The following PAFAH2 variants were observed in gnomAD, a reference collection of about 807,000 sequenced individuals.
PAFAH2 encodes the protein platelet activating factor acetylhydrolase 2.
Under a neutral mutation model 49.0 loss-of-function variants are expected in PAFAH2, and 42 were observed. The observed-to-expected ratio is 0.86, with a 90% confidence interval of 0.67 to 1.11. The LOEUF (loss-of-function observed/expected upper bound fraction) is 1.11, where lower values mean the gene tolerates loss of function less well. Among genes scored for constraint, PAFAH2 ranks in the 50% least tolerant of loss-of-function variants. PAFAH2 has a pLI of 0.00. For missense variants in PAFAH2, 503 were observed against 501.8 expected, an observed-to-expected ratio of 1.00 and a Z score of -0.02; for synonymous variants, 184 against 181.3, an observed-to-expected ratio of 1.01 and a Z score of -0.12.
chr1:25,992,878 A>G (rs1388463274), intron 1 of PAFAH2, among the ~76,000 whole-genome samples: 1 of 152,206 alleles, frequency 6.6e-6, no homozygotes, highest in East Asian at 1.9e-4. Context: ...AGGTTGGTCC[A>G]ATAGGCGTAA....
rs1215648084 is a variant in PAFAH2 at position 25,976,780 on chromosome 1, A to C, written c.667-7T>G. 2 of 1,611,800 alleles carry C rather than the reference A, an allele frequency of 1.2e-6. No homozygotes were observed. Among genetic ancestry groups the C allele is most frequent in the Non-Finnish European group, 1.7e-6 (2 of 1,178,066 alleles). ...GGCTCATGTCAATGTTGCCCTGAGGAAAGTGGAGAACTTAGCCAAGTCAGA... is the reference window on the plus strand; with the variant it reads ...GGCTCATGTCAATGTTGCCCTGAGGCAAGTGGAGAACTTAGCCAAGTCAGA... On this transcript the variant is annotated splice_polypyrimidine_tract_variant and splice_region_variant and intron_variant, in intron 7 of 10. Coordinates refer to ENST00000374282, the MANE Select transcript of PAFAH2 (RefSeq NM_000437.4).
chr1:25,967,641 T>C (rs916356845), intron 10 of PAFAH2, among the ~76,000 whole-genome samples: 12 of 152,060 alleles, frequency 7.9e-5, no homozygotes, highest in Admixed American at 2.0e-4. Context: ...ACCCTGACAA[T>C]AGCGGTTTTG....
intron 7 of PAFAH2, among the ~76,000 whole-genome samples, chr1:25,980,611 T>TTTTATATA (rs369555868): frequency 0.028 from 2,043 of 74,168 alleles, 52 homozygotes; most frequent in African/African-American, 0.059. Flanking sequence ...TGGGCCATAT[T>TTTTATATA]TATATATATA....
In PAFAH2 at chr1:25,975,425, T is replaced by A. The variant is rs1036004655; in HGVS notation, c.759-775A>T. On this transcript the variant is annotated intron_variant, in intron 8 of 10. Coordinates refer to ENST00000374282, the MANE Select transcript of PAFAH2 (RefSeq NM_000437.4). Reference sequence around the variant, plus strand: ...AGACACCATCTCTTAAAAAAAAAAATTAAAAAATTAGCAGGGCATGGTAGC... The same window carrying A: ...AGACACCATCTCTTAAAAAAAAAAAATAAAAAATTAGCAGGGCATGGTAGC... Among the ~76,000 whole-genome samples, 4 of 151,332 alleles carry A rather than the reference T, an allele frequency of 2.6e-5. 1 individual carries two copies. Among genetic ancestry groups the A allele is most frequent in the Admixed American group, 1.3e-4 (2 of 15,154 alleles).
intron 10 of PAFAH2, among the ~76,000 whole-genome samples, chr1:25,968,668 T>A (rs1243310861): frequency 6.6e-6 from 1 of 152,158 alleles, no homozygotes; most frequent in Non-Finnish European, 1.5e-5. Flanking sequence ...GACAATGTAC[T>A]GTGTGCCTAC....
At chr1:25,989,358 C>T in intron 3 of PAFAH2, 90 bp downstream of exon 3, 1 of 1,252,016 alleles carries the variant, frequency 8.0e-7, no homozygotes, top group Non-Finnish European at 1.1e-6. Flanking sequence ...CTGGACACTG[C>T]AGGCTATAAG....
rs1362425323 is a variant in PAFAH2 at position 25,959,833 on chromosome 1, C to CA, written c.*2155dup. ...CAACATTGATCTCATACTAGGCCAA[C>CA]AACCAAGTTTCAACAAATTTTGAAG... is the stretch of plus-strand genomic sequence containing the variant. On this transcript the variant is annotated 3_prime_UTR_variant, in exon 11 of 11. Transcript: ENST00000374282. 2 of 152,182 alleles carry CA rather than the reference C, an allele frequency of 1.3e-5. No homozygotes were observed. The highest frequency in any genetic ancestry group is 2.9e-5 in the Non-Finnish European group (2 of 68,036). The allele number at this position is 152,182 out of a possible 1,614,324, so 9.4% of individuals were successfully genotyped here. A position where few individuals can be genotyped will look rare whatever the true frequency, so the allele number is the denominator to read the frequency against.
At chr1:25,965,588 G>T (rs769261696) in intron 10 of PAFAH2, among the ~76,000 whole-genome samples, 83 of 152,238 alleles carry the variant, frequency 5.5e-4, no homozygotes, top group Admixed American at 1.6e-3. Flanking sequence ...GGCCAAGGCT[G>T]GTGGATCACT....
chr1:25,969,896 G>A (rs2049481946), intron 10 of PAFAH2, among the ~76,000 whole-genome samples: 1 of 152,164 alleles, frequency 6.6e-6, no homozygotes, highest in Non-Finnish European at 1.5e-5. Flanking sequence ...TTAAAGTCTT[G>A]AGACATGGGT....
intron 10 of PAFAH2, among the ~76,000 whole-genome samples, chr1:25,970,982 T>C (rs891660218): frequency 2.0e-5 from 3 of 152,048 alleles, no homozygotes; most frequent in African/African-American, 7.2e-5. Flanking sequence ...CCGGGACAGG[T>C]GGAGGTACCA....
At chr1:25,967,794 G>A (rs990903163) in intron 10 of PAFAH2, among the ~76,000 whole-genome samples, 1 of 152,174 alleles carries the variant, frequency 6.6e-6, no homozygotes, top group African/African-American at 2.4e-5. Flanking sequence ...GGGATATTGA[G>A]GTCAAGAGAA....
At chr1:25,974,212 A>G (rs1314198733) in intron 9 of PAFAH2, among the ~76,000 whole-genome samples, 1 of 152,122 alleles carries the variant, frequency 6.6e-6, no homozygotes, top group Admixed American at 6.5e-5. Context: ...CCTTTCCAAC[A>G]CCCAACCCCA....
At chr1:25,974,335 T>TA in intron 9 of PAFAH2, 145 bp downstream of exon 9, 3 of 551,336 alleles carry the variant, frequency 5.4e-6, no homozygotes, top group Admixed American at 3.8e-5. Context: ...CAGAAAATTC[T>TA]AAAAGAATTT....
chr1:25,978,499 C>T lies in PAFAH2; in HGVS notation c.667-1726G>A, dbSNP rs543428238. On this transcript the variant is annotated intron_variant, in intron 7 of 10. Coordinates refer to ENST00000374282, the MANE Select transcript of PAFAH2 (RefSeq NM_000437.4). ...CTTGGCCATGGTACAGACAGCTAGC[C>T]GATCACCAAATCTTTTCCTCTTCTT... 5.8e-4 allele frequency among the ~76,000 whole-genome samples: 89 copies of T among 152,284 alleles called. 1 individual carries two copies. The highest frequency in any genetic ancestry group is 4.1e-3 in the South Asian group (20 of 4,834).
At position 25,990,714 on chromosome 1, in the gene PAFAH2, T is replaced by C. The variant is rs1367698782; in HGVS notation, c.90+13A>G. 1.2e-6 allele frequency: 2 copies of C among 1,607,634 alleles called. No homozygotes were observed. The highest frequency in any genetic ancestry group is 1.7e-6 in the Non-Finnish European group (2 of 1,174,330). On this transcript the variant is annotated intron_variant, in intron 2 of 10. Transcript: ENST00000374282. ...GCAGTGCAAACAGAAGAAAGGGAGC[T>C]GGGGACACTTACCTGGAGATTCTGA...
chr1:25,969,749 A>G (rs2049478625), intron 10 of PAFAH2, among the ~76,000 whole-genome samples: 3 of 152,150 alleles, frequency 2.0e-5, no homozygotes, highest in Non-Finnish European at 4.4e-5. Context: ...ATCTTAGCTC[A>G]ACGGGTATTG....
chr1:25,990,870 G>T lies in PAFAH2; in HGVS notation c.-47-7C>A. ...CCGGAGCTGAACTTGCTGGCTGGAT[G>T]GGGGAACACAGAACAGCAGCCGCTT... On this transcript the variant is annotated splice_polypyrimidine_tract_variant and splice_region_variant and intron_variant, in intron 1 of 10. Transcript: ENST00000374282. The T allele has an allele frequency of 7.0e-7, 1 of 1,437,682 alleles. No individual in the cohort carries two copies. The highest frequency in any genetic ancestry group is 9.8e-7 in the Non-Finnish European group (1 of 1,021,780). 89.1% of individuals were successfully genotyped at this position (1,437,682 alleles called of 1,614,324 possible). A position where few individuals can be genotyped will look rare whatever the true frequency, so the allele number is the denominator to read the frequency against.
At chr1:25,972,785 T>A (rs1348409582) in intron 9 of PAFAH2, 73 bp from the exon 10 acceptor site, 3 of 1,449,282 alleles carry the variant, frequency 2.1e-6, no homozygotes, top group Non-Finnish European at 2.9e-6. Flanking sequence ...GCACCTACTA[T>A]GTGCAAGGTG....
chr1:25,963,039 C>T (rs2049362864), intron 10 of PAFAH2, among the ~76,000 whole-genome samples: 2 of 152,092 alleles, frequency 1.3e-5, no homozygotes, highest in Non-Finnish European at 2.9e-5. Flanking sequence ...GGGGTAACTA[C>T]ACGGCAAGAA....
Sources: allele counts gnomAD v4.1 joint callset (sites outside exome capture counted in the v4.1 genomes callset), GRCh38; gene constraint gnomAD v4.1.1; transcripts MANE v1.5; gene names NCBI Gene and HGNC (gene_info 2026-07-23, HGNC 2026-07-21).